The following CELF4 variants were observed in gnomAD, a reference collection of about 807,000 sequenced individuals.
CELF4 encodes CUG-BP- and ETR-3-like factor 4.
A neutral mutation model predicts 59.9 loss-of-function variants in CELF4; 18 were observed. The ratio of observed to expected loss-of-function variants is 0.30; its 90% CI spans 0.21 to 0.45. CELF4 has a LOEUF of 0.45. Among genes scored for constraint, CELF4 ranks in the 20% least tolerant of loss-of-function variants. The pLI is 1.00. For missense variants in CELF4, 456 were observed against 689.0 expected, an observed-to-expected ratio of 0.66 and a Z score of 3.79; for synonymous variants, 261 against 267.1, an observed-to-expected ratio of 0.98 and a Z score of 0.22.
chr18:37,345,394 C>T (rs2098216850), intron 2 of CELF4, among the ~76,000 whole-genome samples: 1 of 152,070 alleles, frequency 6.6e-6, no homozygotes, highest in Non-Finnish European at 1.5e-5. Context: ...GTAAGACCAG[C>T]AGCCAAGAGC....
chr18:37,324,583 C>T (rs1011146433), intron 2 of CELF4, among the ~76,000 whole-genome samples: 3 of 152,170 alleles, frequency 2.0e-5, no homozygotes, highest in African/African-American at 7.2e-5. Context: ...CAGCTCTAGC[C>T]AACGAATAAG....
chr18:37,354,510 T>A (rs1406178553), intron 2 of CELF4, among the ~76,000 whole-genome samples: 1 of 152,202 alleles, frequency 6.6e-6, no homozygotes, highest in African/African-American at 2.4e-5. Flanking sequence ...CTCGGCTGCA[T>A]ACAAATGTGA....
intron 2 of CELF4, among the ~76,000 whole-genome samples, chr18:37,325,371 C>T (rs1268947260): frequency 2.0e-5 from 3 of 152,180 alleles, no homozygotes; most frequent in African/African-American, 2.4e-5. Context: ...CCTGCGGATT[C>T]GCCTGGCCAG....
At chr18:37,549,984 C>T (rs1305380796) in intron 1 of CELF4, among the ~76,000 whole-genome samples, 2 of 148,786 alleles carry the variant, frequency 1.3e-5, no homozygotes, top group Non-Finnish European at 3.0e-5. Context: ...GAAACACAAG[C>T]CCCAGATTTG....
chr18:37,434,848 C>T (rs1268137572), intron 2 of CELF4, among the ~76,000 whole-genome samples: 1 of 152,188 alleles, frequency 6.6e-6, no homozygotes, highest in Non-Finnish European at 1.5e-5. Flanking sequence ...CTCCTAAGTA[C>T]ACCCTCAAAC....
intron 1 of CELF4, among the ~76,000 whole-genome samples, chr18:37,524,766 G>T (rs1569569749): frequency 6.6e-6 from 1 of 152,144 alleles, no homozygotes; most frequent in Non-Finnish European, 1.5e-5. Flanking sequence ...AACATCCCCC[G>T]AGCCGCAGGC....
At position 37,250,411 on chromosome 18, in the gene CELF4, GC is replaced by G. The variant is rs369594791; in HGVS notation, c.*44+3355del. Among the ~76,000 whole-genome samples the G allele has an allele frequency of 3.2e-3, 231 of 73,248 alleles. 3 individuals are homozygous for G. The highest frequency in any genetic ancestry group is 0.012 in the African/African-American group (224 of 18,334). The allele number at this position is 73,248 out of a possible 152,430, so 48.1% of individuals were successfully genotyped here. On this transcript the variant is annotated intron_variant, in intron 12 of 12. Coordinates refer to ENST00000420428, the MANE Select transcript of CELF4 (RefSeq NM_020180.4). ...TACTCCCCACAGCTGCCCTGCCTAGGCCCTTCTCCCTCCCCTAGGTCTGTCC... is the reference window on the plus strand; with the variant it reads ...TACTCCCCACAGCTGCCCTGCCTAGGCCTTCTCCCTCCCCTAGGTCTGTCC...
chr18:37,431,249 A>C (rs17670413), intron 2 of CELF4, among the ~76,000 whole-genome samples: 27,924 of 151,678 alleles, frequency 0.18, 2,846 homozygotes, highest in Middle Eastern at 0.29. Context: ...TGCCGAAAAC[A>C]ATTGCTTCTT....
chr18:37,365,555 G>A (rs548724353), intron 2 of CELF4, among the ~76,000 whole-genome samples: 146 of 134,502 alleles, frequency 1.1e-3, no homozygotes, highest in Middle Eastern at 0.01. Flanking sequence ...ATGCTATCTC[G>A]GCTCACTGCA....
intron 2 of CELF4, among the ~76,000 whole-genome samples, chr18:37,406,125 C>T (rs550850346): frequency 1.3e-5 from 2 of 152,070 alleles, no homozygotes; most frequent in Middle Eastern, 3.4e-3. Context: ...GTGTTTGGTG[C>T]CCTGCTCCAT....
chr18:37,496,532 A>T (rs906978053), intron 1 of CELF4, among the ~76,000 whole-genome samples: 9 of 152,064 alleles, frequency 5.9e-5, no homozygotes, highest in Admixed American at 2.6e-4. Flanking sequence ...ACAACAATAA[A>T]TTTTTTTTAA....
chr18:37,346,858 C>T (rs948763694), intron 2 of CELF4, among the ~76,000 whole-genome samples: 1 of 152,040 alleles, frequency 6.6e-6, no homozygotes, highest in Non-Finnish European at 1.5e-5. Context: ...AGTCAGCGGC[C>T]CCATGATCCC....
intron 1 of CELF4, among the ~76,000 whole-genome samples, chr18:37,562,254 G>C (rs1029193607): frequency 7.2e-5 from 11 of 152,132 alleles, no homozygotes; most frequent in African/African-American, 2.7e-4. Context: ...ACGCATGGCA[G>C]GTATTCCATT....
chr18:37,456,780 C>G (rs2099779594), intron 2 of CELF4, among the ~76,000 whole-genome samples: 1 of 152,140 alleles, frequency 6.6e-6, no homozygotes, highest in African/African-American at 2.4e-5. Context: ...GTAGCCATGC[C>G]CAGGTGAGAG....
rs557621645 is a variant in CELF4, at chr18:37,406,473, G to A, written c.369+79052C>T. 1.8e-4 allele frequency among the ~76,000 whole-genome samples: 28 copies of A among 152,304 alleles called. No individual in the cohort carries two copies. The East Asian group carries it at 5.0e-3, about 27-fold the overall frequency. ...TCCTGCGCTATGGGCTTGCTGGAAT[G>A]GAAAAGAGGGTGAATGTGCTGCTGG... On this transcript the variant is annotated intron_variant, in intron 2 of 12. Coordinates refer to ENST00000420428, the MANE Select transcript of CELF4 (RefSeq NM_020180.4).
intron 2 of CELF4, among the ~76,000 whole-genome samples, chr18:37,370,971 G>A (rs2098857430): frequency 6.6e-6 from 1 of 152,118 alleles, no homozygotes; most frequent in South Asian, 2.1e-4. Context: ...TTCCATCCGG[G>A]GCAGCCAAAT....
chr18:37,290,438 A>T (rs1360905475), intron 3 of CELF4, among the ~76,000 whole-genome samples: 1 of 152,218 alleles, frequency 6.6e-6, no homozygotes, highest in Non-Finnish European at 1.5e-5. Context: ...TGGATACTCA[A>T]AGTAAAACAT....
chr18:37,512,440 C>A (rs898691825), intron 1 of CELF4, among the ~76,000 whole-genome samples: 1 of 151,446 alleles, frequency 6.6e-6, no homozygotes. Flanking sequence ...CCTCCTCCCC[C>A]TTTTTCCTTC....
chr18:37,336,520 G>A (rs534637599), intron 2 of CELF4, among the ~76,000 whole-genome samples: 1 of 152,084 alleles, frequency 6.6e-6, no homozygotes, highest in Non-Finnish European at 1.5e-5. Flanking sequence ...CCCTCCACAA[G>A]CCCAGGCCCC....
Sources: allele counts gnomAD v4.1 joint callset (sites outside exome capture counted in the v4.1 genomes callset), GRCh38; gene constraint gnomAD v4.1.1; transcripts MANE v1.5; gene names NCBI Gene and HGNC (gene_info 2026-07-23, HGNC 2026-07-21).